Variants in MAP4K3 observed in about 807,000 individuals in gnomAD.
MAP4K3 encodes mitogen-activated protein kinase kinase kinase kinase 3, also known as MAPK/ERK kinase kinase kinase 3.
MAP4K3 carries 94 observed loss-of-function variants against 143.5 expected under a neutral mutation model. The observed-to-expected ratio is 0.65, with a 90% CI of 0.55 to 0.78. The LOEUF (loss-of-function observed/expected upper bound fraction) is 0.78. Among genes scored for constraint, MAP4K3 ranks in the 30% least tolerant of loss-of-function variants. MAP4K3 has a pLI of 0.00. For synonymous variants in MAP4K3, 416 were observed against 347.2 expected (o/e 1.20, Z -2.20); for missense variants, 1,077 against 1,068.1 (o/e 1.01, Z -0.12).
intron 28 of MAP4K3, among the ~76,000 whole-genome samples, chr2:39,263,260 A>G (rs903860799): frequency 6.6e-6 from 1 of 151,566 alleles, no homozygotes; most frequent in African/African-American, 2.4e-5. Context: ...GAGACAAAAT[A>G]TACATATAGA....
chr2:39,283,919 A>C (rs1434979329), intron 21 of MAP4K3: 2 of 152,246 alleles, frequency 1.3e-5, no homozygotes, highest in Non-Finnish European at 2.9e-5. Context: ...TTAAACAATG[A>C]GATGAAAACT....
intron 3 of MAP4K3, among the ~76,000 whole-genome samples, chr2:39,344,536 G>C (rs1665230978): frequency 6.6e-6 from 1 of 152,214 alleles, no homozygotes; most frequent in Non-Finnish European, 1.5e-5. Flanking sequence ...TTTCACGCTA[G>C]AACAGAAGAG....
intron 1 of MAP4K3, among the ~76,000 whole-genome samples, chr2:39,378,412 C>T (rs966178827): frequency 6.6e-6 from 1 of 152,068 alleles, no homozygotes; most frequent in African/African-American, 2.4e-5. Flanking sequence ...CTCACAACAA[C>T]CTTATAAAAT....
At chr2:39,328,950 C>A (rs1029847590) in intron 8 of MAP4K3, among the ~76,000 whole-genome samples, 6 of 152,180 alleles carry the variant, frequency 3.9e-5, no homozygotes, top group Non-Finnish European at 8.8e-5. Context: ...TTTCGAACAA[C>A]TGAATAACTG....
intron 16 of MAP4K3, among the ~76,000 whole-genome samples, chr2:39,295,826 C>T (rs1032225020): frequency 2.7e-5 from 4 of 146,292 alleles, no homozygotes; most frequent in African/African-American, 7.6e-5. Flanking sequence ...TCAAGCAATT[C>T]TCGTGCCTCA....
chr2:39,331,962 G>A lies in MAP4K3; in HGVS notation c.485C>T (p.Thr162Ile), dbSNP rs1158102916. ...LADFGVSAQI[T>I]ATIAKRKSFI... is the part of the protein sequence containing the mutation. ...AGACTTCCGTTTGGCAATTGTAGCT[G>A]TTATCTGTGCAGATACTCCAAAATC... The change falls in exon 8 of 34, where the codon ACA becomes ATA. Residue 162 changes from threonine (T) to isoleucine (I), a missense_variant. Transcript: ENST00000263881. 14 of 1,575,158 alleles carry A rather than the reference G, an allele frequency of 8.9e-6. No individual in the cohort carries two copies. The highest frequency in any genetic ancestry group is 1.1e-5 in the Non-Finnish European group (13 of 1,154,826).
chr2:39,325,484 G>T, intron 12 of MAP4K3, 34 bp downstream of exon 12: 1 of 1,398,332 alleles, frequency 7.2e-7, no homozygotes, highest in Non-Finnish European at 1.0e-6. Flanking sequence ...ACATATACAT[G>T]TTATATATGC....
At chr2:39,420,930 A>G (rs971228295) in intron 1 of MAP4K3, among the ~76,000 whole-genome samples, 2 of 151,540 alleles carry the variant, frequency 1.3e-5, no homozygotes, top group Admixed American at 1.3e-4. Flanking sequence ...CCAAAATCTA[A>G]CTCCACATCT....
At chr2:39,263,852 T>C (rs1272437943) in intron 28 of MAP4K3, among the ~76,000 whole-genome samples, 1 of 152,170 alleles carries the variant, frequency 6.6e-6, no homozygotes, top group African/African-American at 2.4e-5. Context: ...GTCTTCAAAG[T>C]ATATATTCCC....
At position 39,334,944 on chromosome 2, in the gene MAP4K3, A is replaced by G. The variant is rs940929316; in HGVS notation, c.415-1370T>C. ...GCCTCTCCAAAGGCAGTAATATATG[A>G]GCAGAGATCTGGGTGAAGTAAGGGT... On this transcript the variant is annotated intron_variant, in intron 6 of 33. Coordinates refer to ENST00000263881, the MANE Select transcript of MAP4K3 (RefSeq NM_003618.4). Among the ~76,000 whole-genome samples the G allele has an allele frequency of 2.6e-5, 4 of 152,330 alleles. No homozygotes were observed. The South Asian group carries it at 6.2e-4, about 24-fold the overall frequency.
At chr2:39,380,339 T>A (rs1273469661) in intron 1 of MAP4K3, among the ~76,000 whole-genome samples, 1 of 152,148 alleles carries the variant, frequency 6.6e-6, no homozygotes, top group Non-Finnish European at 1.5e-5. Flanking sequence ...TCACCAGGAA[T>A]CTTGGTCTTC....
chr2:39,398,689 C>T (rs1173975511), intron 1 of MAP4K3, among the ~76,000 whole-genome samples: 1 of 148,688 alleles, frequency 6.7e-6, no homozygotes, highest in Non-Finnish European at 1.5e-5. Flanking sequence ...TAAGCCTTTC[C>T]TTTGATGGTT....
At chr2:39,376,395 G>A (rs1021578977) in intron 2 of MAP4K3, among the ~76,000 whole-genome samples, 1 of 152,062 alleles carries the variant, frequency 6.6e-6, no homozygotes, top group South Asian at 2.1e-4. Context: ...CTTTTGTATA[G>A]TTGTATATTC....
intron 7 of MAP4K3, among the ~76,000 whole-genome samples, chr2:39,332,643 G>A (rs909416256): frequency 2.6e-5 from 4 of 151,944 alleles, no homozygotes; most frequent in African/African-American, 7.2e-5. Flanking sequence ...TTTGAGTGAG[G>A]CACATCACAC....
Position 39,292,832 on chromosome 2 carries a change from T to G in MAP4K3, c.1218-6A>C. 6.2e-7 allele frequency: 1 copy of G among 1,608,392 alleles called. No homozygotes were observed. The highest frequency in any genetic ancestry group is 8.5e-7 in the Non-Finnish European group (1 of 1,175,180). The stretch of plus-strand genomic sequence containing the variant: ...CTAAATGTGCGACGTGTCCTCTAAA[T>G]AAAAAGGATAATGTCATTGTTATTA... On this transcript the variant is annotated splice_region_variant and splice_polypyrimidine_tract_variant and intron_variant, in intron 17 of 33. Transcript: ENST00000263881.
At chr2:39,306,795 T>C (rs1490621552) in intron 15 of MAP4K3, among the ~76,000 whole-genome samples, 1 of 152,212 alleles carries the variant, frequency 6.6e-6, no homozygotes, top group African/African-American at 2.4e-5. Flanking sequence ...TCCTACACAA[T>C]ACTGACATTA....
chr2:39,254,652 C>T (rs1680279165), intron 31 of MAP4K3, 132 bp from the exon 32 acceptor site: 2 of 609,932 alleles, frequency 3.3e-6, no homozygotes, highest in Admixed American at 2.6e-5. Context: ...ATTTATATGG[C>T]ATCTTTACAT....
intron 1 of MAP4K3, among the ~76,000 whole-genome samples, chr2:39,430,638 C>A (rs1350530319): frequency 2.6e-5 from 4 of 151,856 alleles, no homozygotes; most frequent in Non-Finnish European, 4.4e-5. Context: ...TTAAAAAAAA[C>A]AAAATAAAAG....
chr2:39,358,734 A>C (rs888850777), intron 2 of MAP4K3, among the ~76,000 whole-genome samples: 2 of 152,232 alleles, frequency 1.3e-5, no homozygotes, highest in African/African-American at 4.8e-5. Context: ...TACATTAATA[A>C]TCCAAAGGAT....
Sources: gnomAD v4.1 joint callset for allele counts (sites outside exome capture counted in the v4.1 genomes callset) on GRCh38, gnomAD v4.1.1 for gene constraint, MANE v1.5 for transcripts, NCBI Gene and HGNC (gene_info 2026-07-23, HGNC 2026-07-21) for gene names.